Variants in FRMD8 observed in about 807,000 individuals in gnomAD.
FRMD8 encodes FERM domain containing 8.
FRMD8 carries 37 observed loss-of-function variants against 54.2 expected under a neutral mutation model. That is an observed-to-expected ratio of 0.68 (90% CI 0.53 to 0.90). FRMD8 has a LOEUF of 0.90. Among genes scored for constraint, FRMD8 ranks in the 40% least tolerant of loss-of-function variants. The pLI, the probability that FRMD8 is intolerant of heterozygous loss-of-function variation, is 0.00. For synonymous variants in FRMD8, 246 were observed against 286.9 expected, an observed-to-expected ratio of 0.86 and a Z score of 1.44; for missense variants, 585 against 653.7, an observed-to-expected ratio of 0.89 and a Z score of 1.15.
the FRMD8 span, chr11:65,376,383 G>A: frequency 6.2e-7 from 1 of 1,606,042 alleles, no homozygotes; most frequent in Non-Finnish European, 8.5e-7. Flanking sequence ...GCCTGATGGG[G>A]AGCTGCTGGC....
In FRMD8 at chr11:65,386,654, T is replaced by C; in HGVS notation, c.-108T>C. 1 of 234,594 alleles carries C rather than the reference T, an allele frequency of 4.3e-6. No individual in the cohort carries two copies. Among genetic ancestry groups the C allele is most frequent in the Non-Finnish European group, 8.3e-6 (1 of 120,828 alleles). 14.5% of individuals were successfully genotyped at this position (234,594 alleles called of 1,614,324 possible). A position where few individuals can be genotyped will look rare whatever the true frequency, so the allele number is the denominator to read the frequency against. On this transcript the variant is annotated 5_prime_UTR_variant, in exon 1 of 11. Transcript: ENST00000317568. Reference sequence around the variant, plus strand: ...GCTTCCGCGTCGCTTCCCGGTCAGCTGCGTCCTTAGCGGGAGCCCGAGTGC... The same window carrying C: ...GCTTCCGCGTCGCTTCCCGGTCAGCCGCGTCCTTAGCGGGAGCCCGAGTGC...
At position 65,386,928 on chromosome 11, in the gene FRMD8, C is replaced by G; in HGVS notation, c.1-109C>G. On this transcript the variant is annotated intron_variant, in intron 1 of 10. Coordinates refer to ENST00000317568, the MANE Select transcript of FRMD8 (RefSeq NM_031904.5). ...GCCCCTCCAGGCAGCGCCGCTCAAC[C>G]TTGCGGACCCAGCCTGGGATCCCTT... The G allele has an allele frequency of 3.1e-6, 3 of 977,092 alleles. No individual in the cohort carries two copies. In the South Asian group the frequency reaches 4.5e-5, roughly 15 times the overall value. The allele number at this position is 977,092 out of a possible 1,614,324, so 60.5% of individuals were successfully genotyped here.
rs1856156213 is a variant in FRMD8 at position 65,404,851 on chromosome 11, CCCT to C, written c.1072-7_1072-5del. The stretch of plus-strand genomic sequence containing the variant: ...GGCCCTGGCCAGGCCTCACACTGCC[CCCT>C]CCTCCCCAGGCCGAACTGATGAGCA... On this transcript the variant is annotated splice_polypyrimidine_tract_variant and intron_variant, in intron 9 of 10. Transcript: ENST00000317568. The surrounding 1 kb of genome is among the most constrained non-coding windows in gnomAD (Gnocchi z 4.7). 1 of 1,605,842 alleles carries C rather than the reference CCCT, an allele frequency of 6.2e-7. No individual in the cohort carries two copies. Among genetic ancestry groups the C allele is most frequent in the Admixed American group, 1.7e-5 (1 of 59,826 alleles).
At chr11:65,407,237 A>G (rs866688261) in intron 10 of FRMD8, among the ~76,000 whole-genome samples, 1,194 of 6,346 alleles carry the variant, frequency 0.19, 18 homozygotes, top group African/African-American at 0.24. Context: ...ACATTTATTT[A>G]TTTATTTATT....
chr11:65,390,569 C>G (rs1212141403), intron 3 of FRMD8, among the ~76,000 whole-genome samples: 1 of 152,010 alleles, frequency 6.6e-6, no homozygotes, highest in Non-Finnish European at 1.5e-5. Flanking sequence ...CCCCTCCCCC[C>G]TGCCAGTAGG....
the FRMD8 span, among the ~76,000 whole-genome samples, chr11:65,368,686 C>A: frequency 6.6e-6 from 1 of 152,204 alleles, no homozygotes; most frequent in African/African-American, 2.4e-5. Flanking sequence ...GCCTCAGCCT[C>A]CCGAGTAGCT....
the FRMD8 span, among the ~76,000 whole-genome samples, chr11:65,373,844 TC>T: frequency 1.3e-5 from 2 of 152,192 alleles, no homozygotes; most frequent in South Asian, 4.1e-4. Flanking sequence ...TGCCTCGGCC[TC>T]CTAAAGTGCT....
chr11:65,372,445 A>G, the FRMD8 span, among the ~76,000 whole-genome samples: 39 of 152,218 alleles, frequency 2.6e-4, no homozygotes, highest in Admixed American at 8.5e-4. Context: ...CCCTGGTCCC[A>G]CCTGAGTCTG....
chr11:65,376,478 T>A, the FRMD8 span: 7 of 1,614,052 alleles, frequency 4.3e-6, no homozygotes, highest in Middle Eastern at 1.6e-4. Flanking sequence ...GCGCGGGCAC[T>A]GTTGATGGTG....
chr11:65,376,368 C>A, the FRMD8 span: 2 of 1,601,382 alleles, frequency 1.2e-6, no homozygotes. Flanking sequence ...GCCTCCAGGC[C>A]GTGGGCCTGA....
At position 65,400,863 on chromosome 11, in the gene FRMD8, A is replaced by G. The variant is rs1856061830; in HGVS notation, c.1067A>G (p.Lys356Arg). Residue 356 changes from lysine to arginine, a missense_variant, in exon 9 of 11, where the codon AAG (lysine) becomes AGG (arginine). Coordinates refer to ENST00000317568, the MANE Select transcript of FRMD8 (RefSeq NM_031904.5). The surrounding 1 kb of genome is among the most constrained non-coding windows in gnomAD (Gnocchi z 4.3). ...PVNKLLKIYSKQAELMSSLIE... is the reference protein window; with the variant it reads ...PVNKLLKIYSRQAELMSSLIE... ...AACAAGCTCCTCAAGATCTACTCCA[A>G]GCAGGTAGCGCGGGTGGTGCCTGCA... 1 of 1,605,528 alleles carries G rather than the reference A, an allele frequency of 6.2e-7. No individual in the cohort carries two copies. Among genetic ancestry groups the G allele is most frequent in the Non-Finnish European group, 8.5e-7 (1 of 1,175,538 alleles).
intron 2 of FRMD8, among the ~76,000 whole-genome samples, chr11:65,388,461 A>G (rs886522773): frequency 5.9e-5 from 9 of 151,974 alleles, no homozygotes; most frequent in Non-Finnish European, 1.2e-4. Context: ...TGGAGGGAGG[A>G]GTATTAGCTC....
In FRMD8 at chr11:65,408,674, C is replaced by G. The variant is rs76148157; in HGVS notation, c.1277-2568C>G. Among the ~76,000 whole-genome samples the G allele has an allele frequency of 2.1e-3, 314 of 150,910 alleles. 8 individuals carry two copies. In the East Asian group the frequency reaches 0.054, roughly 26 times the overall value. On this transcript the variant is annotated intron_variant, in intron 10 of 10. Transcript: ENST00000317568. ...AGTGCCTAGACTGGAGTGCAATGGCCTAGTCAAGGCTCACTGCAGCCTCAA... is the reference window on the plus strand; with the variant it reads ...AGTGCCTAGACTGGAGTGCAATGGCGTAGTCAAGGCTCACTGCAGCCTCAA...
intron 3 of FRMD8, among the ~76,000 whole-genome samples, chr11:65,389,861 A>G (rs874374): frequency 6.6e-6 from 1 of 152,184 alleles, no homozygotes; most frequent in African/African-American, 2.4e-5. Flanking sequence ...AACCTTTGCC[A>G]CAACCTGGGT....
intron 5 of FRMD8, 62 bp downstream of exon 5, chr11:65,394,161 C>T: frequency 6.2e-7 from 1 of 1,606,076 alleles, no homozygotes; most frequent in Non-Finnish European, 8.5e-7. Flanking sequence ...CTCCCTGTCC[C>T]TAGACCCCTG....
At chr11:65,411,038 A>G (rs1856317956) in intron 10 of FRMD8, among the ~76,000 whole-genome samples, 1 of 152,006 alleles carries the variant, frequency 6.6e-6, no homozygotes, top group African/African-American at 2.4e-5. Context: ...GTCTGTGATG[A>G]CCTTAGGTCG....
chr11:65,377,477 A>G, the FRMD8 span: 1 of 947,320 alleles, frequency 1.1e-6, no homozygotes, highest in Admixed American at 5.2e-5. Context: ...GTGAAATAGC[A>G]AAGAAACCAC....
the FRMD8 span, among the ~76,000 whole-genome samples, chr11:65,373,021 G>T: frequency 6.6e-6 from 1 of 152,180 alleles, no homozygotes; most frequent in Admixed American, 6.6e-5. Context: ...GGAGGCTGAG[G>T]CGGGCGGATC....
intron 10 of FRMD8, 37 bp from the exon 11 acceptor site, chr11:65,411,204 AG>A: frequency 6.6e-7 from 1 of 1,516,920 alleles, no homozygotes; most frequent in Non-Finnish European, 9.0e-7. Flanking sequence ...ACACAGGGAC[AG>A]CGCCTCTGCT....
Sources: gnomAD v4.1 joint callset for allele counts (sites outside exome capture counted in the v4.1 genomes callset) on GRCh38, gnomAD v4.1.1 for gene constraint, Gnocchi (gnomAD v3.1) non-coding constraint, MANE v1.5 for transcripts, NCBI Gene and HGNC (gene_info 2026-07-23, HGNC 2026-07-21) for gene names.